ELAVL4: variants seen among roughly 807,000 people sequenced by gnomAD.
ELAVL4 encodes the protein ELAV-like protein 4.
ELAVL4 carries 1 observed loss-of-function variant against 35.6 expected under a neutral mutation model. The observed-to-expected ratio is 0.03, with a 90% confidence interval of 0.01 to 0.13. The LOEUF is 0.13. Ranked by LOEUF, ELAVL4 falls within the 10% of genes least tolerant of loss-of-function variation. The probability of loss-of-function intolerance (pLI) is 1.00; values close to 1 mark genes in which losing one functional copy is unlikely to be tolerated. For synonymous variants in ELAVL4, 156 were observed against 171.0 expected, an observed-to-expected ratio of 0.91 and a Z score of 0.69; for missense variants, 267 against 464.9, an observed-to-expected ratio of 0.57 and a Z score of 3.91.
At chr1:50,103,103 A>G (rs1021211815), upstream of ELAVL4, among the ~76,000 whole-genome samples, 2 of 152,234 alleles carry the variant, frequency 1.3e-5, no homozygotes, top group Admixed American at 1.3e-4. Flanking sequence ...GCTTAGGAAT[A>G]TGAAGAGAAA....
chr1:50,191,439 C>A (rs1428956806), intron 3 of ELAVL4, among the ~76,000 whole-genome samples: 2 of 152,088 alleles, frequency 1.3e-5, no homozygotes, highest in Non-Finnish European at 2.9e-5. Context: ...ACAGTTAACT[C>A]CAAAGAGCCA....
intron 1 of ELAVL4, among the ~76,000 whole-genome samples, chr1:50,127,842 C>T (rs543083341): frequency 1.3e-5 from 2 of 152,212 alleles, no homozygotes; most frequent in East Asian, 3.9e-4. Context: ...TTATGCTATG[C>T]AATTAGTATT....
At chr1:50,123,675 T>A (rs1669408113) in intron 1 of ELAVL4, among the ~76,000 whole-genome samples, 1 of 152,074 alleles carries the variant, frequency 6.6e-6, no homozygotes, top group South Asian at 2.1e-4. Flanking sequence ...ACTCCTCTCC[T>A]TTCCAGCCTC....
At chr1:50,048,562 C>T (rs896172868) in intron 1 of ELAVL4, among the ~76,000 whole-genome samples, 2 of 152,216 alleles carry the variant, frequency 1.3e-5, no homozygotes, top group African/African-American at 4.8e-5. Flanking sequence ...CGTAGTTGTC[C>T]TCGAGGTGGC....
At chr1:50,111,360 A>C (rs1451432360) in intron 1 of ELAVL4, among the ~76,000 whole-genome samples, 1 of 152,100 alleles carries the variant, frequency 6.6e-6, no homozygotes, top group East Asian at 1.9e-4. Context: ...TGACGGAAGC[A>C]TAATAGTGAA....
intron 1 of ELAVL4, among the ~76,000 whole-genome samples, chr1:50,076,231 G>A (rs1664757382): frequency 6.6e-6 from 1 of 152,138 alleles, no homozygotes; most frequent in African/African-American, 2.4e-5. Flanking sequence ...TTGAGAGTAA[G>A]GTAACCTCTT....
At chr1:50,066,095 A>G (rs1664250324) in intron 1 of ELAVL4, among the ~76,000 whole-genome samples, 1 of 152,188 alleles carries the variant, frequency 6.6e-6, no homozygotes. Context: ...GTCACATTGC[A>G]AAGGGCATAG....
At chr1:50,075,085 A>C (rs991102324) in intron 1 of ELAVL4, among the ~76,000 whole-genome samples, 4 of 152,222 alleles carry the variant, frequency 2.6e-5, no homozygotes, top group Non-Finnish European at 4.4e-5. Context: ...CAGAGACATA[A>C]TGGAATAACA....
chr1:50,141,584 G>T (rs1487598922), intron 1 of ELAVL4, among the ~76,000 whole-genome samples: 2 of 152,206 alleles, frequency 1.3e-5, no homozygotes, highest in Admixed American at 1.3e-4. Context: ...CTGATGCTCT[G>T]TAATGCCATC....
intron 1 of ELAVL4, among the ~76,000 whole-genome samples, chr1:50,119,763 C>T (rs948629405): frequency 2.0e-4 from 31 of 151,884 alleles, no homozygotes; most frequent in African/African-American, 7.5e-4. Context: ...CAGCATAGTT[C>T]TGCTTGTAAC....
At chr1:50,068,554 G>C (rs1445041628) in intron 1 of ELAVL4, among the ~76,000 whole-genome samples, 1 of 152,184 alleles carries the variant, frequency 6.6e-6, no homozygotes, top group Admixed American at 6.5e-5. Context: ...CTTTGTCATT[G>C]TCAAATCCTT....
chr1:50,048,118 C>T, exon 1 of ELAVL4: 1 of 1,491,728 alleles, frequency 6.7e-7, no homozygotes, highest in Non-Finnish European at 8.9e-7. Context: ...CCGCGCTCCG[C>T]CCCACCCAGC....
intron 1 of ELAVL4, chr1:50,115,001 T>A (rs1667702328): frequency 6.6e-6 from 1 of 152,088 alleles, no homozygotes; most frequent in African/African-American, 2.4e-5. Context: ...GTGTCAGGGC[T>A]CTTAATAGGC....
chr1:50,112,419 A>C (rs1667225188), intron 1 of ELAVL4, among the ~76,000 whole-genome samples: 1 of 152,124 alleles, frequency 6.6e-6, no homozygotes, highest in Admixed American at 6.6e-5. Flanking sequence ...TCTTAAAAAT[A>C]TTAATGCCTA....
intron 1 of ELAVL4, among the ~76,000 whole-genome samples, chr1:50,051,709 A>T (rs1178338054): frequency 1.3e-5 from 2 of 152,118 alleles, no homozygotes; most frequent in Non-Finnish European, 2.9e-5. Flanking sequence ...TGATTTTTTT[A>T]TTGGGAACTG....
rs1375284026 is a variant in ELAVL4, at chr1:50,119,040, G to GAA, written c.9+9844_9+9845dup. ...AAGAAAGGAAAGAAAGAAAGAAAAA[G>GAA]AAAGAAAGAAAGAAAGAAAGAAAGA... On this transcript the variant is annotated intron_variant, in intron 1 of 6. Coordinates refer to ENST00000371824, the MANE Select transcript of ELAVL4 (RefSeq NM_001144774.3). Among the ~76,000 whole-genome samples the GAA allele has an allele frequency of 7.8e-4, 36 of 46,380 alleles. 3 individuals are homozygous for GAA. The highest frequency in any genetic ancestry group is 3.3e-3 in the Admixed American group (20 of 5,988). The allele number at this position is 46,380 out of a possible 152,430, so 30.4% of individuals were successfully genotyped here.
chr1:50,111,362 A>G lies in ELAVL4; in HGVS notation c.9+2164A>G, dbSNP rs191010661. Among the ~76,000 whole-genome samples, 270 of 152,212 alleles carry G rather than the reference A, an allele frequency of 1.8e-3. 3 individuals are homozygous for G. The highest frequency in any genetic ancestry group is 6.1e-3 in the African/African-American group (253 of 41,540). On this transcript the variant is annotated intron_variant, in intron 1 of 6. Coordinates refer to ENST00000371824, the MANE Select transcript of ELAVL4 (RefSeq NM_001144774.3). Reference sequence around the variant, plus strand: ...TATTGAATGAAGTTGACGGAAGCATAATAGTGAACTCCCACAGCTGATAGG... The same window carrying G: ...TATTGAATGAAGTTGACGGAAGCATGATAGTGAACTCCCACAGCTGATAGG...
At chr1:50,164,137 A>G (rs1333457922) in intron 2 of ELAVL4, among the ~76,000 whole-genome samples, 1 of 152,254 alleles carries the variant, frequency 6.6e-6, no homozygotes, top group East Asian at 1.9e-4. Context: ...TGCGTGCTCA[A>G]AAAATATTTG....
At chr1:50,126,714 A>C (rs990105527) in intron 1 of ELAVL4, among the ~76,000 whole-genome samples, 13 of 152,142 alleles carry the variant, frequency 8.5e-5, no homozygotes, top group African/African-American at 3.1e-4. Context: ...AGAGAAAGAG[A>C]GAAAAAAGCA....
Sources: gnomAD v4.1 joint callset for allele counts (sites outside exome capture counted in the v4.1 genomes callset) on GRCh38, gnomAD v4.1.1 for gene constraint, MANE v1.5 for transcripts, NCBI Gene and HGNC (gene_info 2026-07-23, HGNC 2026-07-21) for gene names.